Variants in PDLIM3 observed in about 807,000 individuals in gnomAD.
PDLIM3 encodes PDZ and LIM domain 3.
PDLIM3 carries 36 observed loss-of-function variants against 37.3 expected under a neutral mutation model. The ratio of observed to expected loss-of-function variants is 0.97; its 90% CI spans 0.74 to 1.28. The LOEUF is 1.28. Among genes scored for constraint, PDLIM3 ranks in the 50% most tolerant of loss-of-function variants. PDLIM3 has a pLI of 0.00. For synonymous variants in PDLIM3, 174 were observed against 182.4 expected (o/e 0.95, Z 0.37); for missense variants, 454 against 485.0 (o/e 0.94, Z 0.60).
intron 3 of PDLIM3, among the ~76,000 whole-genome samples, chr4:185,522,398 C>G (rs2095724410): frequency 1.5e-5 from 1 of 66,478 alleles, no homozygotes; most frequent in African/African-American, 2.7e-5. Context: ...TGATGTTATT[C>G]AACATCTTTT....
chr4:185,527,929 C>T (rs574528878), intron 1 of PDLIM3, among the ~76,000 whole-genome samples: 2 of 152,148 alleles, frequency 1.3e-5, no homozygotes, highest in Admixed American at 6.5e-5. Flanking sequence ...TGGTGCACAC[C>T]TGTAGTCCCA....
At position 185,504,055 on chromosome 4, in the gene PDLIM3, C is replaced by CTT. The variant is rs145678744; in HGVS notation, c.905+419_905+420insAA. ...AAGGATAATGTATTTTAAGTAACAT[C>CTT]CTGTTGCCTGTATTTGTTTCCCTGT... On this transcript the variant is annotated intron_variant, in intron 7 of 7. Transcript: ENST00000284767. The surrounding 1 kb of genome is among the most constrained non-coding windows in gnomAD (Gnocchi z 4.7). Among the ~76,000 whole-genome samples the CTT allele has an allele frequency of 5.5e-5, 3 of 54,852 alleles. No individual in the cohort carries two copies. The highest frequency in any genetic ancestry group is 1.8e-4 in the Non-Finnish European group (3 of 17,034). 36.0% of individuals were successfully genotyped at this position (54,852 alleles called of 152,430 possible).
rs781147581 is a variant in PDLIM3 at position 185,525,106 on chromosome 4, G to A, written c.159C>T (p.Asp53=). Residue 53 remains aspartate (D), a synonymous_variant, in exon 2 of 8, where the codon GAC becomes GAT. Coordinates refer to ENST00000284767, the MANE Select transcript of PDLIM3 (RefSeq NM_014476.6). ...LCPGDVILAI[D]GFGTESMTHA... is the part of the protein sequence containing the mutation. ...GAGTCATGGACTCTGTCCCAAAGCC[G>A]TCAATAGCCAGGATGACATCTCCAG... The A allele has an allele frequency of 1.2e-5, 19 of 1,613,988 alleles. No individual in the cohort carries two copies. The highest frequency in any genetic ancestry group is 1.4e-5 in the Non-Finnish European group (17 of 1,179,934).
chr4:185,518,391 C>T (rs946665524), intron 3 of PDLIM3, among the ~76,000 whole-genome samples: 1 of 151,898 alleles, frequency 6.6e-6, no homozygotes, highest in Non-Finnish European at 1.5e-5. Context: ...AATTCTGAAC[C>T]ATCTCCAACA....
Position 185,504,351 on chromosome 4 carries a change from G to A in PDLIM3, c.905+124C>T, listed in dbSNP as rs12645931. ...ATGTGCTAAATGTTGGGGACCTTAC[G>A]TTTCAAGTTGATGAATAGAAATTTG... On this transcript the variant is annotated intron_variant, in intron 7 of 7. Transcript: ENST00000284767. The surrounding 1 kb of genome is among the most constrained non-coding windows in gnomAD (Gnocchi z 4.7). 2.8e-3 allele frequency: 2,159 copies of A among 760,424 alleles called. 71 individuals carry two copies. In the East Asian group the frequency reaches 0.044, roughly 16 times the overall value. The allele number at this position is 760,424 out of a possible 1,614,324, so 47.1% of individuals were successfully genotyped here.
chr4:185,510,909 C>T (rs999506747), intron 4 of PDLIM3, among the ~76,000 whole-genome samples: 2 of 152,232 alleles, frequency 1.3e-5, no homozygotes, highest in African/African-American at 4.8e-5. Flanking sequence ...TTCATGGATT[C>T]CAGTCACTGT....
In PDLIM3 at chr4:185,501,911, A is replaced by T; in HGVS notation, c.*383T>A. 3.1e-6 allele frequency: 1 copy of T among 319,494 alleles called. No homozygotes were observed. Among genetic ancestry groups the T allele is most frequent in the South Asian group, 2.9e-5 (1 of 34,144 alleles). The allele number at this position is 319,494 out of a possible 1,614,324, so 19.8% of individuals were successfully genotyped here. A position where few individuals can be genotyped will look rare whatever the true frequency, so the allele number is the denominator to read the frequency against. ...GATTATGTTAGAATACAAGATTGTT[A>T]TTTGCTATTTACCACAATTGCAAAA... is the stretch of plus-strand genomic sequence containing the variant. On this transcript the variant is annotated 3_prime_UTR_variant, in exon 8 of 8. Coordinates refer to ENST00000284767, the MANE Select transcript of PDLIM3 (RefSeq NM_014476.6).
chr4:185,503,654 AC>A (rs2095691352), intron 7 of PDLIM3, among the ~76,000 whole-genome samples: 1 of 152,150 alleles, frequency 6.6e-6, no homozygotes, highest in Non-Finnish European at 1.5e-5. Flanking sequence ...GGCTATTTAA[AC>A]ATAAGGTCCC....
rs1350935720 is a variant in PDLIM3, at chr4:185,504,043, T to G, written c.905+432A>C. ...CTTACACTGGGTAAGGATAATGTATTTTAAGTAACATCCTGTTGCCTGTAT... is the reference window on the plus strand; with the variant it reads ...CTTACACTGGGTAAGGATAATGTATGTTAAGTAACATCCTGTTGCCTGTAT... On this transcript the variant is annotated intron_variant, in intron 7 of 7. Coordinates refer to ENST00000284767, the MANE Select transcript of PDLIM3 (RefSeq NM_014476.6). The surrounding 1 kb of genome is among the most constrained non-coding windows in gnomAD (Gnocchi z 4.7). 1.6e-5 allele frequency among the ~76,000 whole-genome samples: 1 copy of G among 64,290 alleles called. No homozygotes were observed. 42.2% of individuals were successfully genotyped at this position (64,290 alleles called of 152,430 possible).
At chr4:185,502,807 G>A (rs985162389) in intron 7 of PDLIM3, among the ~76,000 whole-genome samples, 12 of 152,162 alleles carry the variant, frequency 7.9e-5, no homozygotes, top group Non-Finnish European at 1.8e-4. Flanking sequence ...AGACATGATG[G>A]AGACAAGACC....
At chr4:185,505,388 C>T (rs1580234537) in intron 6 of PDLIM3, among the ~76,000 whole-genome samples, 1 of 152,198 alleles carries the variant, frequency 6.6e-6, no homozygotes, top group East Asian at 1.9e-4. Context: ...CTCTGGGAGG[C>T]CGAGGCGGGT....
chr4:185,503,590 G>A (rs537270483), intron 7 of PDLIM3, among the ~76,000 whole-genome samples: 1 of 152,370 alleles, frequency 6.6e-6, no homozygotes, highest in East Asian at 1.9e-4. Context: ...TGGCACGAAT[G>A]CCATGGAGAT....
chr4:185,503,160 G>T (rs536627293), intron 7 of PDLIM3, among the ~76,000 whole-genome samples: 14 of 152,216 alleles, frequency 9.2e-5, no homozygotes, highest in African/African-American at 3.4e-4. Context: ...GGAGGCGGAG[G>T]TTGCAGTGAG....
intron 2 of PDLIM3, among the ~76,000 whole-genome samples, chr4:185,523,913 C>A (rs557832827): frequency 6.6e-6 from 1 of 151,590 alleles, no homozygotes; most frequent in Non-Finnish European, 1.5e-5. Context: ...CCACCACACC[C>A]GGCCGAAGTC....
At chr4:185,521,368 C>T (rs1388647434) in intron 3 of PDLIM3, among the ~76,000 whole-genome samples, 1 of 58,964 alleles carries the variant, frequency 1.7e-5, no homozygotes, top group African/African-American at 3.0e-5. Context: ...CTTACCTAGC[C>T]TAAGTATCCC....
chr4:185,508,684 T>G, intron 4 of PDLIM3, 122 bp from the exon 5 acceptor site: 4 of 909,514 alleles, frequency 4.4e-6, no homozygotes, highest in Non-Finnish European at 7.1e-6. Flanking sequence ...GAGAGGTGAA[T>G]TACATCAAAA....
rs1252673260 is a variant in PDLIM3 at position 185,501,108 on chromosome 4, G to A, written c.*1186C>T. The A allele has an allele frequency of 6.6e-6, 1 of 152,324 alleles. No individual in the cohort carries two copies. Among genetic ancestry groups the A allele is most frequent in the Non-Finnish European group, 1.5e-5 (1 of 68,136 alleles). 9.4% of individuals were successfully genotyped at this position (152,324 alleles called of 1,614,324 possible). A position where few individuals can be genotyped will look rare whatever the true frequency, so the allele number is the denominator to read the frequency against. On this transcript the variant is annotated 3_prime_UTR_variant, in exon 8 of 8. Transcript: ENST00000284767. The stretch of plus-strand genomic sequence containing the variant: ...ATTGCCATGGGCACCCTGGGTGAGA[G>A]GCAAGGTAACGCCATGCAGAGCCTG...
At chr4:185,528,600 G>A (rs181322459) in intron 1 of PDLIM3, among the ~76,000 whole-genome samples, 83 of 152,322 alleles carry the variant, frequency 5.4e-4, no homozygotes, top group African/African-American at 1.4e-3. Flanking sequence ...AGTAACCTGC[G>A]GCTTTGCTGC....
intron 1 of PDLIM3, 57 bp downstream of exon 1, chr4:185,535,285 C>T (rs929060450): frequency 3.1e-5 from 46 of 1,470,968 alleles, no homozygotes; most frequent in Admixed American, 3.8e-5. Context: ...CACTGCGTCC[C>T]CCCGGACGCC....
Sources: gnomAD v4.1 joint callset for allele counts (sites outside exome capture counted in the v4.1 genomes callset) on GRCh38, gnomAD v4.1.1 for gene constraint, Gnocchi (gnomAD v3.1) non-coding constraint, MANE v1.5 for transcripts, NCBI Gene and HGNC (gene_info 2026-07-23, HGNC 2026-07-21) for gene names.